The following KIF1A variants were observed in gnomAD, a reference collection of about 807,000 sequenced individuals.
KIF1A encodes kinesin-like protein KIF1A.
KIF1A carries 46 observed loss-of-function variants against 227.3 expected under a neutral mutation model. That is an observed-to-expected ratio of 0.20 (90% CI 0.16 to 0.26). The LOEUF (loss-of-function observed/expected upper bound fraction) is 0.26, where lower values mean the gene tolerates loss of function less well. Ranked by LOEUF, KIF1A falls within the 10% of genes least tolerant of loss-of-function variation. The pLI is 1.00. For synonymous variants in KIF1A, 1,022 were observed against 1,012.8 expected, an observed-to-expected ratio of 1.01 and a Z score of -0.17; for missense variants, 1,683 against 2,485.9, an observed-to-expected ratio of 0.68 and a Z score of 6.87.
At position 240,752,148 on chromosome 2, in the gene KIF1A, A is replaced by G. The variant is rs2049295266; in HGVS notation, c.2859-1601T>C. Among the ~76,000 whole-genome samples the G allele has an allele frequency of 6.6e-6, 1 of 151,418 alleles. No individual in the cohort carries two copies. Among genetic ancestry groups the G allele is most frequent in the Non-Finnish European group, 1.5e-5 (1 of 67,822 alleles). ...GCTTTTTGGGCCCTCTCCCCAGCAC[A>G]ACGCCCCCTCTGAAGATGCCCCCCG... On this transcript the variant is annotated intron_variant, in intron 27 of 48. Coordinates refer to ENST00000498729, the MANE Select transcript of KIF1A (RefSeq NM_001244008.2). The surrounding 1 kb of genome is among the most constrained non-coding windows in gnomAD (Gnocchi z 6.4).
In KIF1A at chr2:240,767,343, T is replaced by G. The variant is rs937511086; in HGVS notation, c.1500A>C (p.Thr500=). The change falls in exon 18 of 49, where the codon ACA becomes ACC. Residue 500 remains threonine (T), a splice_region_variant and synonymous_variant. Transcript: ENST00000498729. The part of the protein sequence containing the change: ...GTLGVFSPKK[T]PHLVNLNEDP... ...CCTCGTTCAGGTTGACGAGGTGTGG[T>G]GTCTGCAGGGAGACAGGAGGATCAT... The G allele has an allele frequency of 1.9e-6, 3 of 1,613,056 alleles. No homozygotes were observed. The highest frequency in any genetic ancestry group is 1.7e-5 in the Admixed American group (1 of 59,982).
intron 20 of KIF1A, among the ~76,000 whole-genome samples, chr2:240,764,503 C>G (rs926163257): frequency 6.6e-6 from 1 of 152,170 alleles, no homozygotes; most frequent in Non-Finnish European, 1.5e-5. Context: ...ACAGGCAGGA[C>G]TCCTGAGTCC....
intron 1 of KIF1A, among the ~76,000 whole-genome samples, chr2:240,802,710 C>T (rs888606814): frequency 9.8e-5 from 15 of 152,334 alleles, no homozygotes; most frequent in Admixed American, 2.6e-4. Flanking sequence ...TAGCTCACTA[C>T]AGCCTTTACC....
intron 33 of KIF1A, among the ~76,000 whole-genome samples, chr2:240,743,549 G>A (rs28718884): frequency 0.096 from 14,536 of 152,192 alleles, 1,069 homozygotes; most frequent in African/African-American, 0.21. Flanking sequence ...AGGAGGCTGC[G>A]TGGACTGAGG....
intron 10 of KIF1A, among the ~76,000 whole-genome samples, chr2:240,780,787 CACACACA>C (rs2053586998): frequency 7.6e-6 from 1 of 131,356 alleles, no homozygotes; most frequent in African/African-American, 3.4e-5. Flanking sequence ...CACACACACA[CACACACA>C]GCTCCACACA....
intron 1 of KIF1A, among the ~76,000 whole-genome samples, chr2:240,807,652 G>A (rs1004850541): frequency 2.6e-5 from 4 of 152,076 alleles, no homozygotes; most frequent in Admixed American, 1.3e-4. Flanking sequence ...CACAGATATC[G>A]AGAGCCAACT....
rs575609773 is a variant in KIF1A at position 240,756,852 on chromosome 2, C to G, written c.2858+467G>C. 2.0e-5 allele frequency among the ~76,000 whole-genome samples: 3 copies of G among 152,232 alleles called. No homozygotes were observed. In the South Asian group the frequency reaches 6.2e-4, roughly 32 times the overall value. On this transcript the variant is annotated intron_variant, in intron 27 of 48. Coordinates refer to ENST00000498729, the MANE Select transcript of KIF1A (RefSeq NM_001244008.2). ...TGGGGTGAGGCTGCCTCCGCTAGGA[C>G]AGTGTTGATTCCCAGGAGAATGACA...
rs1430254521 is a variant in KIF1A, at chr2:240,820,036, A to T, written c.-61+86T>A. On this transcript the variant is annotated intron_variant, in intron 1 of 48. Coordinates refer to ENST00000498729, the MANE Select transcript of KIF1A (RefSeq NM_001244008.2). This position sits in a 1 kb window ranked among gnomAD's most constrained non-coding sequence, Gnocchi z 6.2. ...TCCCCGCCCTGGGCGCAGTGGGTGC[A>T]GGTGCGGGCTGCGGGCGCGGGCTGC... is the stretch of plus-strand genomic sequence containing the variant. The T allele has an allele frequency of 2.0e-5, 3 of 152,516 alleles. No homozygotes were observed. The highest frequency in any genetic ancestry group is 7.3e-5 in the African/African-American group (3 of 41,244). The allele number at this position is 152,516 out of a possible 1,614,324, so 9.4% of individuals were successfully genotyped here. A position where few individuals can be genotyped will look rare whatever the true frequency, so the allele number is the denominator to read the frequency against.
chr2:240,820,308 C>G (rs2058642993), upstream of KIF1A: 1 of 150,886 alleles, frequency 6.6e-6, no homozygotes, highest in Admixed American at 6.6e-5. The surrounding 1 kb of genome is among the most constrained non-coding windows in gnomAD (Gnocchi z 6.2). Context: ...GCGCGGCGTC[C>G]GAGCTCCAGT....
rs368005947 is a variant in KIF1A, at chr2:240,722,592, G to A, written c.4529C>T (p.Pro1510Leu). Residue 1510 changes from proline (P) to leucine (L), a missense_variant, in exon 43 of 49, where the codon CCG (proline) becomes CTG (leucine). Pro to Leu is a moderately conservative substitution (Grantham distance 98). Transcript: ENST00000498729. ...GCTGAAGGCCGGGGACAGTGCCTCC[G>A]GGACAGGCCGCTGGGCGGTCTCCAG... ...EKLETAQRPV[P>L]EALSPAFSED... 46 of 1,563,934 alleles carry A rather than the reference G, an allele frequency of 2.9e-5. No homozygotes were observed. Among genetic ancestry groups the A allele is most frequent in the Admixed American group, 1.7e-4 (9 of 53,788 alleles).
At position 240,740,417 on chromosome 2, in the gene KIF1A, C is replaced by A; in HGVS notation, c.3750-53G>T. On this transcript the variant is annotated intron_variant, in intron 35 of 48. Transcript: ENST00000498729. This position sits in a 1 kb window ranked among gnomAD's most constrained non-coding sequence, Gnocchi z 6.1. ...CGGCCAGCCCCTCCTCTCTGCCCTC[C>A]CCGCAGCACAGGACACAGTGGACGG... 6.8e-7 allele frequency: 1 copy of A among 1,475,602 alleles called. No homozygotes were observed. The highest frequency in any genetic ancestry group is 9.5e-7 in the Non-Finnish European group (1 of 1,055,614). The allele number at this position is 1,475,602 out of a possible 1,614,324, so 91.4% of individuals were successfully genotyped here.
At chr2:240,720,876 G>C in intron 45 of KIF1A, 38 bp downstream of exon 45, 1 of 1,521,364 alleles carries the variant, frequency 6.6e-7, no homozygotes, top group Non-Finnish European at 8.9e-7. Context: ...GTCAGCCGTG[G>C]TGCCAGAAGC....
At chr2:240,803,155 T>A (rs2057112150) in intron 1 of KIF1A, among the ~76,000 whole-genome samples, 1 of 152,086 alleles carries the variant, frequency 6.6e-6, no homozygotes, top group Admixed American at 6.5e-5. Context: ...AACCCATGGG[T>A]CAAAGAAGTC....
In KIF1A at chr2:240,725,730, C is replaced by T. The variant is rs2045937919; in HGVS notation, c.4123-326G>A. The T allele has an allele frequency of 3.5e-6, 1 of 283,884 alleles. No homozygotes were observed. The highest frequency in any genetic ancestry group is 6.8e-5 in the South Asian group (1 of 14,668). 17.6% of individuals were successfully genotyped at this position (283,884 alleles called of 1,614,324 possible). On this transcript the variant is annotated intron_variant, in intron 39 of 48. Transcript: ENST00000498729. The surrounding 1 kb of genome is among the most constrained non-coding windows in gnomAD (Gnocchi z 5.8). ...CACCATAAAATTGGGGTGACCCCTC[C>T]CCGACCCTGGAATGTCTGTGAGGAT...
At chr2:240,734,730 C>G (rs1011156497) in intron 38 of KIF1A, 1 of 1,304,516 alleles carries the variant, frequency 7.7e-7, no homozygotes, top group Non-Finnish European at 1.0e-6. Context: ...TAGGTATGTC[C>G]GAATCAAGAA....
intron 38 of KIF1A, among the ~76,000 whole-genome samples, chr2:240,732,788 A>G (rs2046883069): frequency 1.6e-5 from 1 of 63,800 alleles, no homozygotes; most frequent in Non-Finnish European, 3.0e-5. Flanking sequence ...GGATGAGGGG[A>G]TAAGGGATGA....
In KIF1A at chr2:240,740,454, G is replaced by A. The variant is rs1232146572; in HGVS notation, c.3750-90C>T. 2 of 1,101,208 alleles carry A rather than the reference G, an allele frequency of 1.8e-6. No homozygotes were observed. The highest frequency in any genetic ancestry group is 3.1e-5 in the African/African-American group (2 of 64,854). 68.2% of individuals were successfully genotyped at this position (1,101,208 alleles called of 1,614,324 possible). A position where few individuals can be genotyped will look rare whatever the true frequency, so the allele number is the denominator to read the frequency against. Reference sequence around the variant, plus strand: ...GACACAGTGGACGGGAGCAAAAACAGGGAAAAGTCAGCAGCTCCCTCTGGT... The same window carrying A: ...GACACAGTGGACGGGAGCAAAAACAAGGAAAAGTCAGCAGCTCCCTCTGGT... On this transcript the variant is annotated intron_variant, in intron 35 of 48. Coordinates refer to ENST00000498729, the MANE Select transcript of KIF1A (RefSeq NM_001244008.2). The surrounding 1 kb of genome is among the most constrained non-coding windows in gnomAD (Gnocchi z 6.1).
chr2:240,772,810 G>A lies in KIF1A; in HGVS notation c.1181-214C>T, dbSNP rs1040207157. Among the ~76,000 whole-genome samples, 8 of 152,290 alleles carry A rather than the reference G, an allele frequency of 5.3e-5. No homozygotes were observed. The South Asian group carries it at 6.2e-4, about 12-fold the overall frequency. ...TGCCTATGGGGCTTCCAGGGGAGCC[G>A]TCTCTGGCCCACTTGCATCAGCATT... On this transcript the variant is annotated intron_variant, in intron 13 of 48. Coordinates refer to ENST00000498729, the MANE Select transcript of KIF1A (RefSeq NM_001244008.2).
Position 240,713,821 on chromosome 2 carries a change from G to C in KIF1A, c.*3543C>G, listed in dbSNP as rs538737424. 6.5e-6 allele frequency: 1 copy of C among 152,816 alleles called. No homozygotes were observed. The highest frequency in any genetic ancestry group is 1.5e-5 in the Non-Finnish European group (1 of 68,106). 9.5% of individuals were successfully genotyped at this position (152,816 alleles called of 1,614,324 possible). A position where few individuals can be genotyped will look rare whatever the true frequency, so the allele number is the denominator to read the frequency against. On this transcript the variant is annotated 3_prime_UTR_variant, in exon 49 of 49. Transcript: ENST00000498729. Reference sequence around the variant, plus strand: ...TAATTGGACAGAGCCTCAAGTGCACGCACAGTACAGGAGCCTAGGGCTAAC... The same window carrying C: ...TAATTGGACAGAGCCTCAAGTGCACCCACAGTACAGGAGCCTAGGGCTAAC...
Sources: gnomAD v4.1 joint callset for allele counts (sites outside exome capture counted in the v4.1 genomes callset) on GRCh38, gnomAD v4.1.1 for gene constraint, Gnocchi (gnomAD v3.1) non-coding constraint, MANE v1.5 for transcripts, NCBI Gene and HGNC (gene_info 2026-07-23, HGNC 2026-07-21) for gene names.